CRY1: variants seen among roughly 807,000 people sequenced by gnomAD.
CRY1 encodes cryptochrome circadian regulator 1.
A neutral mutation model predicts 76.0 loss-of-function variants in CRY1; 45 were observed. The observed-to-expected ratio is 0.59, with a 90% confidence interval of 0.47 to 0.76. The LOEUF (loss-of-function observed/expected upper bound fraction) is 0.76, where lower values mean the gene tolerates loss of function less well. CRY1 is among the 30% of genes least tolerant of loss of function. The pLI, the probability that CRY1 is intolerant of heterozygous loss-of-function variation, is 0.00. For missense variants in CRY1, 587 were observed against 716.4 expected (o/e 0.82, Z 2.06); for synonymous variants, 248 against 244.0 (o/e 1.02, Z -0.15).
chr12:106,998,649 T>C (rs1018051216), intron 7 of CRY1, among the ~76,000 whole-genome samples: 2 of 118,954 alleles, frequency 1.7e-5, no homozygotes, highest in Admixed American at 2.0e-4. Flanking sequence ...CTAGGAAATA[T>C]AAGAGATTAA....
rs1451025818 is a variant in CRY1, at chr12:107,014,680, T to C, written c.267+7404A>G. Among the ~76,000 whole-genome samples, 3 of 152,142 alleles carry C rather than the reference T, an allele frequency of 2.0e-5. No individual in the cohort carries two copies. The East Asian group carries it at 5.8e-4, about 29-fold the overall frequency. ...TTTTCTAATACAATATTGAAAGCTA[T>C]AATATTAAGTTTCCTCTAAGCACTG... On this transcript the variant is annotated intron_variant, in intron 2 of 12. Transcript: ENST00000008527.
At position 107,001,862 on chromosome 12, in the gene CRY1, G is replaced by A; in HGVS notation, c.497C>T (p.Pro166Leu). The change falls in exon 4 of 13, where the codon CCA becomes CTA. Residue 166 changes from proline (P) to leucine (L), a missense_variant. By Grantham distance (98) the Pro-to-Leu change is moderately conservative (BLOSUM62 -3). Transcript: ENST00000008527. ...LISKMEPLEI[P>L]VETITSEVIE... ...CACTTCTGAAGTAATTGTCTCTACTGGTATCTCTAGTGGTTCCATTTTGCT... is the reference window on the plus strand; with the variant it reads ...CACTTCTGAAGTAATTGTCTCTACTAGTATCTCTAGTGGTTCCATTTTGCT... 1 of 1,596,970 alleles carries A rather than the reference G, an allele frequency of 6.3e-7. No homozygotes were observed. The highest frequency in any genetic ancestry group is 2.3e-5 in the East Asian group (1 of 44,312).
At chr12:107,023,013 T>C (rs1354590996) in intron 1 of CRY1, among the ~76,000 whole-genome samples, 2 of 152,276 alleles carry the variant, frequency 1.3e-5, no homozygotes, top group East Asian at 1.9e-4. Context: ...AAATGGAACA[T>C]TCCCAAGAAC....
At chr12:107,038,932 C>T (rs1458728366) in intron 1 of CRY1, among the ~76,000 whole-genome samples, 1 of 152,130 alleles carries the variant, frequency 6.6e-6, no homozygotes, top group African/African-American at 2.4e-5. Flanking sequence ...CCATCCCTCC[C>T]AGCTGCTGCC....
intron 1 of CRY1, among the ~76,000 whole-genome samples, chr12:107,087,180 T>C (rs1265327612): frequency 6.6e-6 from 1 of 152,142 alleles, no homozygotes; most frequent in Non-Finnish European, 1.5e-5. Context: ...ATGTGGGCTA[T>C]GCCCAACCAA....
At chr12:107,048,868 T>G (rs1397188839) in intron 1 of CRY1, among the ~76,000 whole-genome samples, 1 of 152,230 alleles carries the variant, frequency 6.6e-6, no homozygotes, top group East Asian at 1.9e-4. Flanking sequence ...AATGTGGATT[T>G]CCTATGAGTC....
intron 7 of CRY1, 40 bp from the exon 8 acceptor site, chr12:106,998,106 A>T (rs1375407929): frequency 1.2e-6 from 2 of 1,606,522 alleles, no homozygotes; most frequent in Non-Finnish European, 1.7e-6. Context: ...GCACACACAT[A>T]ATTCGCAAAG....
chr12:107,059,407 T>C (rs914893964), intron 1 of CRY1, among the ~76,000 whole-genome samples: 2 of 152,020 alleles, frequency 1.3e-5, no homozygotes, highest in African/African-American at 4.8e-5. Flanking sequence ...ACCACCATAC[T>C]TGTCTAATTT....
intron 1 of CRY1, among the ~76,000 whole-genome samples, chr12:107,026,117 T>C (rs1029447266): frequency 1.2e-4 from 5 of 40,486 alleles, no homozygotes; most frequent in African/African-American, 4.3e-4. Context: ...ATAAAATATA[T>C]ATATTATATA....
chr12:107,004,943 C>T (rs1363409126), intron 3 of CRY1, among the ~76,000 whole-genome samples, 163 bp downstream of exon 3: 1 of 152,146 alleles, frequency 6.6e-6, no homozygotes, highest in African/African-American at 2.4e-5. Flanking sequence ...TCACTTAATT[C>T]TCCCATAACT....
At chr12:107,010,795 A>C (rs1194222791) in intron 2 of CRY1, among the ~76,000 whole-genome samples, 9 of 75,682 alleles carry the variant, frequency 1.2e-4, no homozygotes, top group Non-Finnish European at 3.0e-4. Flanking sequence ...GGTGCCATGA[A>C]TTGCACCCAT....
Position 107,093,024 on chromosome 12 carries a change from G to A in CRY1, c.-63C>T. On this transcript the variant is annotated 5_prime_UTR_variant, in exon 1 of 13. Transcript: ENST00000008527. ...AGGAAGGAGGCTCCGGCTCATAGCC[G>A]ACACCTTCGCTTCCAAGAGAATTGC... is the stretch of plus-strand genomic sequence containing the variant. The A allele has an allele frequency of 6.9e-7, 1 of 1,443,540 alleles. No individual in the cohort carries two copies. Among genetic ancestry groups the A allele is most frequent in the Admixed American group, 2.8e-5 (1 of 36,018 alleles). 89.4% of individuals were successfully genotyped at this position (1,443,540 alleles called of 1,614,324 possible). A position where few individuals can be genotyped will look rare whatever the true frequency, so the allele number is the denominator to read the frequency against.
intron 2 of CRY1, among the ~76,000 whole-genome samples, chr12:107,019,308 G>A (rs1405397626): frequency 6.6e-6 from 1 of 151,732 alleles, no homozygotes; most frequent in Non-Finnish European, 1.5e-5. Flanking sequence ...TCCCTCTATG[G>A]CTCTAGATAT....
chr12:107,059,331 A>C (rs1342108344), intron 1 of CRY1, among the ~76,000 whole-genome samples: 2 of 152,136 alleles, frequency 1.3e-5, no homozygotes, highest in Non-Finnish European at 2.9e-5. Context: ...AGCTCACTGC[A>C]GCCTCAACCT....
At chr12:107,072,708 C>T (rs180715019) in intron 1 of CRY1, among the ~76,000 whole-genome samples, 62 of 152,338 alleles carry the variant, frequency 4.1e-4, no homozygotes, top group African/African-American at 1.4e-3. Flanking sequence ...CATATTAACA[C>T]ATATGTGCAT....
intron 1 of CRY1, among the ~76,000 whole-genome samples, chr12:107,080,964 T>C (rs889816918): frequency 6.6e-6 from 1 of 152,116 alleles, no homozygotes; most frequent in Admixed American, 6.6e-5. Context: ...TGTTTAAATG[T>C]TGATTGGAGG....
At chr12:106,997,269 G>A in intron 10 of CRY1, 25 bp downstream of exon 10, 1 of 1,568,782 alleles carries the variant, frequency 6.4e-7, no homozygotes, top group Non-Finnish European at 8.8e-7. Flanking sequence ...ATGTTACTAA[G>A]TGCAGAAATT....
intron 1 of CRY1, among the ~76,000 whole-genome samples, chr12:107,092,463 A>C (rs906652760): frequency 2.6e-5 from 4 of 152,186 alleles, no homozygotes; most frequent in African/African-American, 9.7e-5. Flanking sequence ...AATGCCACAA[A>C]AAGGCCAAGG....
chr12:107,009,920 C>T (rs556888520), intron 2 of CRY1, among the ~76,000 whole-genome samples: 2 of 151,796 alleles, frequency 1.3e-5, no homozygotes, highest in East Asian at 3.9e-4. Context: ...GGGAAGTAAT[C>T]TCAATCTTGT....
Sources: gnomAD v4.1 joint callset for allele counts (sites outside exome capture counted in the v4.1 genomes callset) on GRCh38, gnomAD v4.1.1 for gene constraint, MANE v1.5 for transcripts, NCBI Gene and HGNC (gene_info 2026-07-23, HGNC 2026-07-21) for gene names.